DNAH7: variants seen among roughly 807,000 people sequenced by gnomAD.
DNAH7 encodes the protein dynein axonemal heavy chain 7.
In DNAH7, 397 loss-of-function variants were observed where a neutral mutation model predicts 444.6. The observed-to-expected ratio is 0.89, with a 90% CI of 0.82 to 0.97. DNAH7 has a LOEUF of 0.97. Among genes scored for constraint, DNAH7 ranks in the 50% least tolerant of loss-of-function variants. The probability of loss-of-function intolerance (pLI) is 0.00; values close to 1 mark genes in which losing one functional copy is unlikely to be tolerated. For synonymous variants in DNAH7, 1,636 were observed against 1,624.4 expected (o/e 1.01, Z -0.17); for missense variants, 4,902 against 4,800.8 (o/e 1.02, Z -0.62).
At chr2:195,926,239 T>C (rs1486664373) in intron 22 of DNAH7, among the ~76,000 whole-genome samples, 187 bp downstream of exon 22, 1 of 152,208 alleles carries the variant, frequency 6.6e-6, no homozygotes. Flanking sequence ...TTTGAAATTA[T>C]TGGTATAAAT....
chr2:195,811,911 G>A (rs1033763408), intron 51 of DNAH7, among the ~76,000 whole-genome samples: 5 of 152,260 alleles, frequency 3.3e-5, no homozygotes, highest in South Asian at 2.1e-4. Context: ...GGGCATGGGC[G>A]AAGCTAACTT....
chr2:196,043,549 A>T (rs75119904), intron 5 of DNAH7, among the ~76,000 whole-genome samples: 5,693 of 152,180 alleles, frequency 0.037, 246 homozygotes, highest in African/African-American at 0.099. Flanking sequence ...CAACAGAAAC[A>T]AAGATAAATA....
intron 12 of DNAH7, among the ~76,000 whole-genome samples, chr2:196,000,083 T>C (rs559363143): frequency 3.1e-4 from 47 of 152,332 alleles, no homozygotes; most frequent in South Asian, 6.2e-4. Context: ...TTATTACTAC[T>C]GAAGCCTTTA....
intron 21 of DNAH7, among the ~76,000 whole-genome samples, chr2:195,930,160 C>T (rs910355020): frequency 3.3e-5 from 5 of 152,056 alleles, no homozygotes; most frequent in Admixed American, 1.3e-4. Flanking sequence ...CTGGTCAACA[C>T]GATGAAACCA....
chr2:196,008,167 TA>T (rs1694499568), intron 10 of DNAH7, among the ~76,000 whole-genome samples: 1 of 151,570 alleles, frequency 6.6e-6, no homozygotes, highest in Non-Finnish European at 1.5e-5. Context: ...AAACAGACAA[TA>T]AGCCCATAAA....
chr2:195,997,141 C>A (rs1693743109), intron 12 of DNAH7, among the ~76,000 whole-genome samples: 2 of 152,068 alleles, frequency 1.3e-5, no homozygotes, highest in African/African-American at 4.8e-5. Flanking sequence ...TTATTAATAG[C>A]CTATCTAATT....
chr2:196,046,638 ACTCCGATACACTCCTTTTTAGC>A (rs550742967), intron 5 of DNAH7, among the ~76,000 whole-genome samples: 214 of 152,056 alleles, frequency 1.4e-3, no homozygotes, highest in African/African-American at 5.1e-3. Flanking sequence ...GCTGCATGGG[ACTCCGATACACTCCTTTTTAGC>A]CTTGTAAGCA....
intron 54 of DNAH7, 71 bp downstream of exon 54, chr2:195,806,669 C>A: frequency 7.7e-7 from 1 of 1,305,062 alleles, no homozygotes; most frequent in Non-Finnish European, 1.1e-6. Flanking sequence ...CATAAGGAAA[C>A]GCACATTTGG....
At chr2:195,764,454 TG>T (rs979116566) in intron 61 of DNAH7, among the ~76,000 whole-genome samples, 3 of 152,128 alleles carry the variant, frequency 2.0e-5, no homozygotes, top group Non-Finnish European at 1.5e-5. Flanking sequence ...AACTTATCCT[TG>T]TGTGCAGTTG....
chr2:195,868,381 G>C (rs940389496), intron 40 of DNAH7, among the ~76,000 whole-genome samples: 2 of 151,780 alleles, frequency 1.3e-5, no homozygotes, highest in Non-Finnish European at 2.9e-5. Flanking sequence ...ACCACGCCTG[G>C]CCTATTATTC....
chr2:195,788,709 C>T (rs1046853593), intron 57 of DNAH7, among the ~76,000 whole-genome samples: 1 of 152,130 alleles, frequency 6.6e-6, no homozygotes, highest in African/African-American at 2.4e-5. Flanking sequence ...CCAGGCTTCT[C>T]ATTGCAGAAG....
intron 61 of DNAH7, among the ~76,000 whole-genome samples, chr2:195,763,802 A>G (rs1283500030): frequency 6.6e-6 from 1 of 152,008 alleles, no homozygotes; most frequent in Non-Finnish European, 1.5e-5. Context: ...TCTACCAAAC[A>G]TTTAAAGAAG....
chr2:195,881,846 C>G lies in DNAH7; in HGVS notation c.5910G>C (p.Lys1970Asn), dbSNP rs1701401161. Residue 1970 changes from lysine (K) to asparagine (N), a missense_variant, in exon 36 of 65, where the codon AAG becomes AAC. Transcript: ENST00000312428. ...ALMELLTTHQ[K>N]PSIFVGPTGT... Reference sequence around the variant, plus strand: ...CTGTTGGTCCTACAAATATTGAAGGCTTTTGATGGGTGGTCAGCAATTCCA... The same window carrying G: ...CTGTTGGTCCTACAAATATTGAAGGGTTTTGATGGGTGGTCAGCAATTCCA... 8.1e-6 allele frequency: 13 copies of G among 1,613,978 alleles called. No homozygotes were observed. The highest frequency in any genetic ancestry group is 1.0e-5 in the Non-Finnish European group (12 of 1,179,934).
rs1691023021 is a variant in DNAH7, at chr2:195,960,581, A to G, written c.2570T>C (p.Met857Thr). 2.5e-6 allele frequency: 4 copies of G among 1,614,134 alleles called. No individual in the cohort carries two copies. Among genetic ancestry groups the G allele is most frequent in the South Asian group, 1.1e-5 (1 of 91,090 alleles). Reference protein sequence around the residue: ...PGLRPRHWEAMSAIVGYPLQP... With the variant: ...PGLRPRHWEATSAIVGYPLQP... ...CAAAGGGTAACCAACAATGGCAGAC[A>G]TGGCCTCCCAGTGCCTGGGGCGCAA... Residue 857 changes from methionine to threonine, a missense_variant, in exon 18 of 65, where the codon ATG becomes ACG. Coordinates refer to ENST00000312428, the MANE Select transcript of DNAH7 (RefSeq NM_018897.3).
intron 63 of DNAH7, among the ~76,000 whole-genome samples, chr2:195,747,091 T>C (rs1260318328): frequency 1.3e-5 from 2 of 152,060 alleles, no homozygotes; most frequent in African/African-American, 4.8e-5. Context: ...ACAAAATTGA[T>C]AGACCGCTAG....
Position 195,864,372 on chromosome 2 carries a change from T to G in DNAH7, c.7283A>C (p.Asp2428Ala), listed in dbSNP as rs1397718836. Residue 2428 changes from aspartate (D) to alanine (A), a missense_variant, in exon 41 of 65, where the codon GAT becomes GCT. Coordinates refer to ENST00000312428, the MANE Select transcript of DNAH7 (RefSeq NM_018897.3). Reference protein sequence around the residue: ...AGEIPNLFALDEKQEICDKMR... With the variant: ...AGEIPNLFALAEKQEICDKMR... ...CTTATCACATATCTCTTGCTTCTCA[T>G]CTAATGCAAAGAGATTTGGAATCTC... The G allele has an allele frequency of 6.2e-7, 1 of 1,614,182 alleles. No individual in the cohort carries two copies. Among genetic ancestry groups the G allele is most frequent in the South Asian group, 1.1e-5 (1 of 91,088 alleles).
rs567288262 is a variant in DNAH7, at chr2:195,843,522, T to C, written c.8945+1480A>G. The stretch of plus-strand genomic sequence containing the variant: ...AAAAACAAAAACTATGTGATACAAC[T>C]TTTTATTTTTGTCTTAGTTATCAGA... On this transcript the variant is annotated intron_variant, in intron 47 of 64. Transcript: ENST00000312428. Among the ~76,000 whole-genome samples, 13 of 152,300 alleles carry C rather than the reference T, an allele frequency of 8.5e-5. 1 individual carries two copies. The South Asian group carries it at 2.7e-3, about 32-fold the overall frequency.
intron 58 of DNAH7, 41 bp downstream of exon 58, chr2:195,786,969 G>A: frequency 6.6e-7 from 1 of 1,516,750 alleles, no homozygotes; most frequent in Non-Finnish European, 8.8e-7. Flanking sequence ...ACATGATAAA[G>A]AGCAACATAG....
chr2:195,766,167 A>ATTTTTTTTTTTTTTTTTTGTTTTTT (rs1694572083), intron 61 of DNAH7, among the ~76,000 whole-genome samples: 1 of 57,328 alleles, frequency 1.7e-5, no homozygotes, highest in Non-Finnish European at 3.7e-5. Flanking sequence ...GTGGGAGCTA[A>ATTTTTTTTTTTTTTTTTTGTTTTTT]TTTTTTTTTT....
Sources: allele counts gnomAD v4.1 joint callset (sites outside exome capture counted in the v4.1 genomes callset), GRCh38; gene constraint gnomAD v4.1.1; transcripts MANE v1.5; gene names NCBI Gene and HGNC (gene_info 2026-07-23, HGNC 2026-07-21).